SNCAIP: variants seen among roughly 807,000 people sequenced by gnomAD.
The protein encoded by SNCAIP is synuclein alpha interacting protein.
A neutral mutation model predicts 86.7 loss-of-function variants in SNCAIP; 43 were observed. That is an observed-to-expected ratio of 0.50 (90% CI 0.39 to 0.64). The LOEUF is 0.64. Ranked by LOEUF, SNCAIP falls within the 30% of genes least tolerant of loss-of-function variation. SNCAIP has a pLI of 0.00. For missense variants in SNCAIP, 981 were observed against 1,103.1 expected, an observed-to-expected ratio of 0.89 and a Z score of 1.57; for synonymous variants, 417 against 427.2, an observed-to-expected ratio of 0.98 and a Z score of 0.29.
chr5:122,403,888 TCTC>T (rs756787937), intron 3 of SNCAIP, 23 bp downstream of exon 3: 9 of 1,581,788 alleles, frequency 5.7e-6, no homozygotes, highest in South Asian at 1.1e-5. Flanking sequence ...CCTCCCCTCT[TCTC>T]CTTATCCTGG....
Position 122,403,946 on chromosome 5 carries a change from T to C in SNCAIP, c.130+81T>C. On this transcript the variant is annotated intron_variant, in intron 3 of 10. Coordinates refer to ENST00000261368, the MANE Select transcript of SNCAIP (RefSeq NM_005460.4). Reference sequence around the variant, plus strand: ...GGAAAGCTGTTTTTCCTCACACTGGTCCCCCCTGCTTTCAGTTTTCTTTTC... The same window carrying C: ...GGAAAGCTGTTTTTCCTCACACTGGCCCCCCCTGCTTTCAGTTTTCTTTTC... 9.9e-6 allele frequency: 10 copies of C among 1,008,294 alleles called. 1 individual carries two copies. In the South Asian group the frequency reaches 1.3e-4, roughly 13 times the overall value. The allele number at this position is 1,008,294 out of a possible 1,614,324, so 62.5% of individuals were successfully genotyped here.
intron 1 of SNCAIP, among the ~76,000 whole-genome samples, chr5:122,381,731 G>A (rs1766868101): frequency 1.3e-5 from 2 of 151,900 alleles, no homozygotes; most frequent in South Asian, 4.2e-4. Context: ...TTTTAGGGCA[G>A]GCCTGGTGGT....
intron 1 of SNCAIP, among the ~76,000 whole-genome samples, chr5:122,345,815 C>T (rs545055444): frequency 6.3e-5 from 9 of 142,522 alleles, no homozygotes; most frequent in African/African-American, 1.7e-4. Flanking sequence ...TGTGTGCCAC[C>T]GTGCCTGACA....
chr5:122,315,687 A>AT (rs1039075120), intron 1 of SNCAIP, among the ~76,000 whole-genome samples: 4 of 151,984 alleles, frequency 2.6e-5, no homozygotes, highest in African/African-American at 4.8e-5. Flanking sequence ...TTGTCCTGCA[A>AT]TTTTTTTTCT....
intron 1 of SNCAIP, chr5:122,321,373 C>G (rs977061893): frequency 6.6e-6 from 1 of 152,108 alleles, no homozygotes; most frequent in African/African-American, 2.4e-5. Flanking sequence ...CTGGTGACCC[C>G]TGCAGTGGAC....
intron 1 of SNCAIP, among the ~76,000 whole-genome samples, chr5:122,324,091 A>G (rs747302912): frequency 2.0e-4 from 30 of 152,154 alleles, no homozygotes; most frequent in Non-Finnish European, 4.1e-4. Flanking sequence ...GGACTAAGAA[A>G]AAACCCACAG....
intron 1 of SNCAIP, among the ~76,000 whole-genome samples, chr5:122,374,619 G>GGA (rs1764917027): frequency 6.6e-6 from 1 of 152,068 alleles, no homozygotes; most frequent in South Asian, 2.1e-4. Context: ...AGACTTCAGA[G>GGA]GAAACTGTGC....
chr5:122,395,402 C>T (rs569732418), intron 2 of SNCAIP, among the ~76,000 whole-genome samples: 6 of 152,234 alleles, frequency 3.9e-5, no homozygotes, highest in Admixed American at 1.3e-4. Flanking sequence ...TGAAAGTTGA[C>T]TTTTTTGGCA....
intron 4 of SNCAIP, among the ~76,000 whole-genome samples, chr5:122,424,139 G>A (rs565975173): frequency 3.7e-4 from 56 of 152,272 alleles, no homozygotes; most frequent in African/African-American, 1.3e-3. Context: ...TGTAAACAGA[G>A]GGTCTTCTGT....
chr5:122,315,534 G>A (rs575648421), intron 1 of SNCAIP, among the ~76,000 whole-genome samples: 1 of 152,300 alleles, frequency 6.6e-6, no homozygotes, highest in South Asian at 2.1e-4. Flanking sequence ...AAAAATTAGA[G>A]CCAGTTTTTG....
intron 6 of SNCAIP, among the ~76,000 whole-genome samples, chr5:122,434,109 G>A (rs192529444): frequency 6.6e-6 from 1 of 152,308 alleles, no homozygotes; most frequent in Non-Finnish European, 1.5e-5. Context: ...ATGATCGGAA[G>A]AATTTGATCA....
intron 10 of SNCAIP, chr5:122,454,537 AC>A (rs1302559734): frequency 1.3e-5 from 2 of 152,660 alleles, no homozygotes; most frequent in Admixed American, 6.5e-5. Context: ...TAGAAAAAAA[AC>A]ATACTCATTC....
At chr5:122,408,188 G>A (rs930916074) in intron 3 of SNCAIP, among the ~76,000 whole-genome samples, 2 of 152,182 alleles carry the variant, frequency 1.3e-5, no homozygotes, top group Admixed American at 6.5e-5. Flanking sequence ...CAAACCAGAG[G>A]TTCCTCCACA....
At chr5:122,387,780 GT>G (rs1219189721) in intron 1 of SNCAIP, among the ~76,000 whole-genome samples, 2 of 152,146 alleles carry the variant, frequency 1.3e-5, no homozygotes. Context: ...GTTTGCAAAG[GT>G]TTTCTTTTCC....
intron 10 of SNCAIP, among the ~76,000 whole-genome samples, chr5:122,457,147 G>A (rs769697952): frequency 5.3e-5 from 8 of 152,132 alleles, no homozygotes; most frequent in Non-Finnish European, 8.8e-5. Context: ...GATTACAGGC[G>A]TATGCCACTA....
At chr5:122,460,538 C>T (rs1785923602) in intron 10 of SNCAIP, among the ~76,000 whole-genome samples, 1 of 152,082 alleles carries the variant, frequency 6.6e-6, no homozygotes, top group Non-Finnish European at 1.5e-5. Flanking sequence ...TTTCCTATCT[C>T]TCACACACGC....
chr5:122,432,824 GGAAC>G (rs1778676118), intron 6 of SNCAIP, among the ~76,000 whole-genome samples: 1 of 151,986 alleles, frequency 6.6e-6, no homozygotes, highest in Non-Finnish European at 1.5e-5. Context: ...TTAAAAAACT[GGAAC>G]CACAAAATAC....
chr5:122,312,488 A>G (rs1479441670), intron 1 of SNCAIP: 1 of 152,122 alleles, frequency 6.6e-6, no homozygotes, highest in African/African-American at 2.4e-5. Flanking sequence ...AGGTCTCTAT[A>G]GTAACAGTAA....
At chr5:122,435,989 G>A (rs1779369824) in intron 6 of SNCAIP, among the ~76,000 whole-genome samples, 1 of 152,088 alleles carries the variant, frequency 6.6e-6, no homozygotes, top group African/African-American at 2.4e-5. Context: ...CAGACTGACA[G>A]GCAGTTAACT....
Sources: allele counts gnomAD v4.1 joint callset (sites outside exome capture counted in the v4.1 genomes callset), GRCh38; gene constraint gnomAD v4.1.1; transcripts MANE v1.5; gene names NCBI Gene and HGNC (gene_info 2026-07-23, HGNC 2026-07-21).